The following PGR variants were observed in gnomAD, a reference collection of about 807,000 sequenced individuals.
The protein encoded by PGR is progesterone receptor.
PGR carries 25 observed loss-of-function variants against 76.1 expected under a neutral mutation model. The observed-to-expected ratio is 0.33, with a 90% CI of 0.24 to 0.46. PGR has a LOEUF of 0.46. PGR is among the 20% of genes least tolerant of loss of function. The pLI is 1.00. For missense variants in PGR, 1,172 were observed against 1,225.3 expected (o/e 0.96, Z 0.65); for synonymous variants, 579 against 535.0 (o/e 1.08, Z -1.14).
At chr11:101,097,085 T>C (rs1056490546) in intron 2 of PGR, among the ~76,000 whole-genome samples, 6 of 152,290 alleles carry the variant, frequency 3.9e-5, no homozygotes, top group African/African-American at 1.4e-4. Context: ...TGTTGAAACC[T>C]GGGGAGCTTA....
chr11:101,069,958 C>A (rs1860863167), intron 3 of PGR, among the ~76,000 whole-genome samples: 1 of 150,818 alleles, frequency 6.6e-6, no homozygotes, highest in African/African-American at 2.4e-5. Context: ...ATCTATGTAA[C>A]AAACCTGCAT....
intron 7 of PGR, 29 bp downstream of exon 7, chr11:101,041,916 T>G: frequency 3.2e-6 from 5 of 1,571,848 alleles, no homozygotes; most frequent in Non-Finnish European, 3.5e-6. Flanking sequence ...GAATAATCAT[T>G]GATATTCTGG....
At chr11:101,049,077 T>A (rs904836038) in intron 6 of PGR, among the ~76,000 whole-genome samples, 1 of 152,098 alleles carries the variant, frequency 6.6e-6, no homozygotes, top group Non-Finnish European at 1.5e-5. Flanking sequence ...CTATAAACTT[T>A]ATCTATTTTT....
chr11:101,127,741 C>A lies in PGR; in HGVS notation c.1330G>T (p.Ala444Ser), dbSNP rs11571150. 10,196 of 1,558,284 alleles carry A rather than the reference C, an allele frequency of 6.5e-3. 353 individuals are homozygous for A. The African/African-American group carries it at 0.092, about 14-fold the overall frequency. ...GACGCAGACGAGACTGAGGCACTGG[C>A]GGGTGCGGCCGTCACCGCCGCTTCC... is the stretch of plus-strand genomic sequence containing the variant. ...PGEAAVTAAP[A>S]SASVSSASSS... is the part of the protein sequence containing the mutation. The change falls in exon 1 of 8, where the codon GCC (alanine) becomes TCC (serine). Residue 444 changes from alanine to serine, a missense_variant. Ala to Ser is a moderately conservative substitution (Grantham distance 99, BLOSUM62 1). Coordinates refer to ENST00000325455, the MANE Select transcript of PGR (RefSeq NM_000926.4).
intron 2 of PGR, among the ~76,000 whole-genome samples, chr11:101,122,937 A>C (rs574805494): frequency 6.6e-6 from 1 of 152,262 alleles, no homozygotes; most frequent in East Asian, 1.9e-4. Context: ...ATTCTCCTTT[A>C]GGATTCACTT....
At chr11:101,049,000 C>T (rs1859991640) in intron 6 of PGR, among the ~76,000 whole-genome samples, 1 of 152,110 alleles carries the variant, frequency 6.6e-6, no homozygotes, top group Non-Finnish European at 1.5e-5. Context: ...CTCACCTCAG[C>T]CTCCCAAGTA....
intron 2 of PGR, among the ~76,000 whole-genome samples, chr11:101,120,790 T>C (rs1565368873): frequency 1.3e-5 from 2 of 152,186 alleles, no homozygotes; most frequent in Non-Finnish European, 2.9e-5. Context: ...TTTCATTTTT[T>C]AAAGGAGATG....
At chr11:101,051,981 G>T (rs1860105545) in intron 4 of PGR, among the ~76,000 whole-genome samples, 1 of 152,050 alleles carries the variant, frequency 6.6e-6, no homozygotes, top group Non-Finnish European at 1.5e-5. Context: ...AGGTTAAAAG[G>T]GAGTGTATCA....
In PGR at chr11:101,083,057, C is replaced by T. The variant is rs539535487; in HGVS notation, c.1906+8703G>A. On this transcript the variant is annotated intron_variant, in intron 3 of 7. Coordinates refer to ENST00000325455, the MANE Select transcript of PGR (RefSeq NM_000926.4). Reference sequence around the variant, plus strand: ...GGATTAATGGTTTTGAGGGCCAGGCCCAGGGCCTAGCTACTCTGTGCAGCC... The same window carrying T: ...GGATTAATGGTTTTGAGGGCCAGGCTCAGGGCCTAGCTACTCTGTGCAGCC... Among the ~76,000 whole-genome samples the T allele has an allele frequency of 4.6e-5, 7 of 152,270 alleles. No homozygotes were observed. The South Asian group carries it at 1.4e-3, about 32-fold the overall frequency.
chr11:101,048,710 A>G (rs984282642), intron 6 of PGR, among the ~76,000 whole-genome samples: 14 of 152,212 alleles, frequency 9.2e-5, no homozygotes, highest in African/African-American at 3.4e-4. Context: ...GTGAAGGCCT[A>G]GGACATTACT....
At chr11:101,110,712 A>C (rs1484014062) in intron 2 of PGR, among the ~76,000 whole-genome samples, 18 of 152,202 alleles carry the variant, frequency 1.2e-4, no homozygotes, top group Admixed American at 1.2e-3. Flanking sequence ...ATTTTCAAAG[A>C]AGCTCTACTG....
In PGR at chr11:101,128,215, C is replaced by T. The variant is rs1016294484; in HGVS notation, c.856G>A (p.Asp286Asn). The change falls in exon 1 of 8, where the codon GAC (aspartate) becomes AAC (asparagine). Residue 286 changes from aspartate to asparagine, a missense_variant. Around this residue, in one of 4 missense-constraint regions of PGR, gnomAD observed 893 missense variants for 785.9 expected, o/e 1.14. Coordinates refer to ENST00000325455, the MANE Select transcript of PGR (RefSeq NM_000926.4). ...SAPRVALVEQ[D>N]APMAPGRSPL... ...GAGCGCCCGGGCGCCATCGGCGCGT[C>T]CTGCTCCACCAGGGCGACCCTGGGC... 3 of 1,598,192 alleles carry T rather than the reference C, an allele frequency of 1.9e-6. No homozygotes were observed. The highest frequency in any genetic ancestry group is 1.3e-5 in the African/African-American group (1 of 75,042).
chr11:101,035,561 C>T lies in PGR; in HGVS notation c.*3555G>A, dbSNP rs1450173001. On this transcript the variant is annotated 3_prime_UTR_variant, in exon 8 of 8. Transcript: ENST00000325455. ...TTGTTCCCTTTTGTGGAATTGCTGC[C>T]ATAGTAAAAATAATTTGAGCATGGG... The T allele has an allele frequency of 4.3e-6, 1 of 231,880 alleles. No homozygotes were observed. The highest frequency in any genetic ancestry group is 5.6e-5 in the Admixed American group (1 of 17,744). The allele number at this position is 231,880 out of a possible 1,614,324, so 14.4% of individuals were successfully genotyped here.
chr11:101,096,998 TA>T (rs33954776), intron 2 of PGR, among the ~76,000 whole-genome samples: 44,747 of 151,964 alleles, frequency 0.29, 6,781 homozygotes, highest in Non-Finnish European at 0.31. Flanking sequence ...TTACATGGCA[TA>T]ATGATAAATA....
intron 2 of PGR, among the ~76,000 whole-genome samples, chr11:101,098,410 T>C (rs1180219039): frequency 6.6e-6 from 1 of 152,120 alleles, no homozygotes; most frequent in African/African-American, 2.4e-5. Flanking sequence ...AAATAATATA[T>C]GTTCAGTAGT....
At chr11:101,083,842 G>A (rs139854085) in intron 3 of PGR, among the ~76,000 whole-genome samples, 38 of 152,242 alleles carry the variant, frequency 2.5e-4, no homozygotes, top group African/African-American at 9.1e-4. Context: ...TGTCTCAGAC[G>A]AGACTTTGGT....
chr11:101,097,448 A>C (rs73571798), intron 2 of PGR, among the ~76,000 whole-genome samples: 40 of 152,322 alleles, frequency 2.6e-4, no homozygotes, highest in African/African-American at 9.1e-4. Flanking sequence ...CTTTGTGTCT[A>C]TAGCTACTAG....
rs1859391171 is a variant in PGR, at chr11:101,032,769, A to G, written c.*6347T>C. 1 of 197,612 alleles carries G rather than the reference A, an allele frequency of 5.1e-6. No individual in the cohort carries two copies. 12.2% of individuals were successfully genotyped at this position (197,612 alleles called of 1,614,324 possible). On this transcript the variant is annotated 3_prime_UTR_variant, in exon 8 of 8. Coordinates refer to ENST00000325455, the MANE Select transcript of PGR (RefSeq NM_000926.4). ...CCTCCAGCATAAGCATTCACAGTAC[A>G]ATATTGTAGCTATCTGTTTACCTGT...
intron 3 of PGR, among the ~76,000 whole-genome samples, chr11:101,084,308 T>G (rs533186608): frequency 6.6e-6 from 1 of 152,222 alleles, no homozygotes; most frequent in Non-Finnish European, 1.5e-5. Flanking sequence ...TTACCCAGTC[T>G]CAGGTAGTAC....
Sources: gnomAD v4.1 joint callset for allele counts (sites outside exome capture counted in the v4.1 genomes callset) on GRCh38, gnomAD v4.1.1 for gene constraint, gnomAD v4.1.1 regional missense constraint, MANE v1.5 for transcripts, NCBI Gene and HGNC (gene_info 2026-07-23, HGNC 2026-07-21) for gene names.